TENM2: variants seen among roughly 807,000 people sequenced by gnomAD.
TENM2 encodes teneurin-2.
TENM2 carries 52 observed loss-of-function variants against 245.2 expected under a neutral mutation model. The ratio of observed to expected loss-of-function variants is 0.21; its 90% CI spans 0.17 to 0.27. TENM2 has a LOEUF of 0.27. Among genes scored for constraint, TENM2 ranks in the 10% least tolerant of loss-of-function variants. The pLI is 1.00. For missense variants in TENM2, 3,046 were observed against 3,666.8 expected, an observed-to-expected ratio of 0.83 and a Z score of 4.37; for synonymous variants, 1,363 against 1,438.9, an observed-to-expected ratio of 0.95 and a Z score of 1.19.
the TENM2 span, among the ~76,000 whole-genome samples, chr5:167,070,407 G>A: frequency 3.3e-5 from 5 of 151,002 alleles, no homozygotes; most frequent in African/African-American, 1.2e-4. Context: ...GGAATTATAG[G>A]CATGAGCCAC....
Position 167,915,325 on chromosome 5 carries a change from A to C in TENM2, c.713-37263A>C, listed in dbSNP as rs73803274. ...AGGAGTAGGGAAGGGAGATGGAAAG[A>C]CAGGAAAACAGGAAGAAATTAAATC... On this transcript the variant is annotated intron_variant, in intron 3 of 28. Transcript: ENST00000518659. Among the ~76,000 whole-genome samples the C allele has an allele frequency of 1.7e-3, 252 of 152,310 alleles. 1 individual carries two copies. Among genetic ancestry groups the C allele is most frequent in the African/African-American group, 5.6e-3 (234 of 41,560 alleles).
At chr5:167,179,009 G>GT in the TENM2 span, among the ~76,000 whole-genome samples, 1 of 152,106 alleles carries the variant, frequency 6.6e-6, no homozygotes, top group Admixed American at 6.5e-5. Context: ...GTTAGGAGAG[G>GT]TTCCGTATGT....
At chr5:167,495,502 A>C (rs1282910905) in intron 2 of TENM2, among the ~76,000 whole-genome samples, 1 of 152,110 alleles carries the variant, frequency 6.6e-6, no homozygotes, top group Non-Finnish European at 1.5e-5. Context: ...TACATGATCC[A>C]AGCTGGATTT....
chr5:167,942,068 T>C (rs539189929), intron 3 of TENM2, among the ~76,000 whole-genome samples: 1 of 152,028 alleles, frequency 6.6e-6, no homozygotes, highest in East Asian at 2.0e-4. Flanking sequence ...ATTAGCCGGA[T>C]GTGGTGACAC....
At chr5:168,168,630 C>T (rs569686543) in intron 13 of TENM2, among the ~76,000 whole-genome samples, 5 of 147,592 alleles carry the variant, frequency 3.4e-5, no homozygotes, top group African/African-American at 7.6e-5. Context: ...TGCAGTAAGC[C>T]GTGATTGTGC....
At chr5:168,237,569 C>T (rs1194114155) in intron 25 of TENM2, among the ~76,000 whole-genome samples, 2 of 152,016 alleles carry the variant, frequency 1.3e-5, no homozygotes. Flanking sequence ...CAAAGCTAAT[C>T]AGTGACACTG....
At chr5:167,017,128 A>T in the TENM2 span, among the ~76,000 whole-genome samples, 1 of 152,304 alleles carries the variant, frequency 6.6e-6, no homozygotes, top group East Asian at 1.9e-4. Context: ...AGATTTCAGG[A>T]AGAATAAGAT....
At chr5:167,976,058 G>A (rs2617983) in intron 4 of TENM2, among the ~76,000 whole-genome samples, 32,769 of 151,920 alleles carry the variant, frequency 0.22, 3,831 homozygotes, top group Admixed American at 0.31. Context: ...TTCCTTCCTC[G>A]GCCTTGAAGA....
At chr5:167,605,203 C>T (rs1164983314) in intron 2 of TENM2, among the ~76,000 whole-genome samples, 2 of 152,056 alleles carry the variant, frequency 1.3e-5, no homozygotes, top group East Asian at 1.9e-4. Context: ...AGCAGAAGAA[C>T]GTACGATTCT....
intron 2 of TENM2, among the ~76,000 whole-genome samples, chr5:167,448,371 T>C (rs892089723): frequency 2.6e-5 from 4 of 151,996 alleles, no homozygotes; most frequent in African/African-American, 9.7e-5. Flanking sequence ...ATTATACTGG[T>C]TGGAAAATAA....
intron 7 of TENM2, among the ~76,000 whole-genome samples, chr5:168,069,330 T>C (rs12055092): frequency 0.093 from 14,123 of 152,252 alleles, 752 homozygotes; most frequent in East Asian, 0.19. Flanking sequence ...AGGAAAAGCT[T>C]TATTCCAAGA....
chr5:168,001,757 G>C (rs565797466), intron 5 of TENM2, among the ~76,000 whole-genome samples: 43 of 152,154 alleles, frequency 2.8e-4, no homozygotes, highest in Non-Finnish European at 5.6e-4. Context: ...TAGACACCCA[G>C]AATTTTTGCC....
chr5:167,628,896 C>T (rs1459820172), intron 2 of TENM2, among the ~76,000 whole-genome samples: 3 of 152,074 alleles, frequency 2.0e-5, no homozygotes, highest in Non-Finnish European at 4.4e-5. Flanking sequence ...CTGTGTATTG[C>T]TTGCATTGTT....
chr5:167,252,016 CAAA>C, the TENM2 span, among the ~76,000 whole-genome samples: 1 of 152,054 alleles, frequency 6.6e-6, no homozygotes, highest in Non-Finnish European at 1.5e-5. Flanking sequence ...CTCAGGAAAG[CAAA>C]ACAAGATTGA....
At chr5:167,582,723 T>TTATAACATTTTTTATAAATAATAAA (rs1775176598) in intron 2 of TENM2, among the ~76,000 whole-genome samples, 1 of 152,200 alleles carries the variant, frequency 6.6e-6, no homozygotes, top group East Asian at 1.9e-4. Context: ...TTATAGTTTA[T>TTATAACATTTTTTATAAATAATAAA]TATAACAGGC....
chr5:167,797,964 G>T (rs771515895), intron 2 of TENM2, among the ~76,000 whole-genome samples: 3 of 152,172 alleles, frequency 2.0e-5, no homozygotes, highest in African/African-American at 4.8e-5. Context: ...ACCAATGGGT[G>T]GTTCTGGCAC....
chr5:168,107,411 A>G (rs751351148), intron 9 of TENM2, among the ~76,000 whole-genome samples: 5 of 152,070 alleles, frequency 3.3e-5, no homozygotes, highest in Admixed American at 1.3e-4. Flanking sequence ...CACCTCCCAC[A>G]ATGGTTATAA....
chr5:167,865,347 C>T (rs1365468560), intron 2 of TENM2, among the ~76,000 whole-genome samples: 1 of 152,068 alleles, frequency 6.6e-6, no homozygotes, highest in Non-Finnish European at 1.5e-5. Flanking sequence ...ATTCAGGGCT[C>T]ACTGCAGCCT....
At chr5:167,732,658 A>G (rs1349783673) in intron 2 of TENM2, among the ~76,000 whole-genome samples, 2 of 152,192 alleles carry the variant, frequency 1.3e-5, no homozygotes, top group Non-Finnish European at 2.9e-5. Context: ...CATTAGTGAC[A>G]TGTAGTGACA....
Sources: gnomAD v4.1 joint callset for allele counts (sites outside exome capture counted in the v4.1 genomes callset) on GRCh38, gnomAD v4.1.1 for gene constraint, MANE v1.5 for transcripts, NCBI Gene and HGNC (gene_info 2026-07-23, HGNC 2026-07-21) for gene names.